COMMD1: variants seen among roughly 807,000 people sequenced by gnomAD.
COMMD1 encodes COMM domain-containing protein 1.
Under a neutral mutation model 17.2 loss-of-function variants are expected in COMMD1, and 10 were observed. The ratio of observed to expected loss-of-function variants is 0.58; its 90% CI spans 0.36 to 0.99. The LOEUF is 0.99. COMMD1 is among the 50% of genes least tolerant of loss of function. The pLI is 0.01. For missense variants in COMMD1, 270 were observed against 231.8 expected (o/e 1.17, Z -1.07); for synonymous variants, 97 against 91.6 (o/e 1.06, Z -0.34).
At chr2:61,966,584 G>C (rs1671511067) in intron 1 of COMMD1, among the ~76,000 whole-genome samples, 1 of 151,782 alleles carries the variant, frequency 6.6e-6, no homozygotes. Context: ...ATGTATAAAG[G>C]CTCTAGTAAT....
intron 1 of COMMD1, among the ~76,000 whole-genome samples, chr2:61,895,012 A>G (rs1669524269): frequency 6.6e-6 from 1 of 152,324 alleles, no homozygotes; most frequent in Non-Finnish European, 1.5e-5. Flanking sequence ...TATTTTTAAA[A>G]TAGTACCATG....
intron 1 of COMMD1, among the ~76,000 whole-genome samples, chr2:61,917,094 C>T (rs1670070361): frequency 6.6e-6 from 1 of 152,050 alleles, no homozygotes; most frequent in Non-Finnish European, 1.5e-5. Flanking sequence ...AGGCTCATGC[C>T]TGTAATCCCA....
upstream of COMMD1, among the ~76,000 whole-genome samples, chr2:61,902,762 T>G (rs1007131113): frequency 2.0e-5 from 3 of 151,934 alleles, no homozygotes; most frequent in Admixed American, 6.5e-5. Context: ...GGAGGATAAC[T>G]TGGGCCTGGG....
At chr2:62,031,136 T>C (rs1669898298) in intron 2 of COMMD1, among the ~76,000 whole-genome samples, 1 of 152,210 alleles carries the variant, frequency 6.6e-6, no homozygotes, top group South Asian at 2.1e-4. Context: ...GCCTCACTAC[T>C]CTTTTATCTG....
At chr2:62,002,782 G>A (rs1432446537) in intron 2 of COMMD1, among the ~76,000 whole-genome samples, 2 of 151,912 alleles carry the variant, frequency 1.3e-5, no homozygotes, top group African/African-American at 4.8e-5. Context: ...CTTCATCCTG[G>A]GAGGTGGAGG....
chr2:62,134,028 C>T (rs1035250757), intron 2 of COMMD1, among the ~76,000 whole-genome samples: 1 of 152,064 alleles, frequency 6.6e-6, no homozygotes, highest in Non-Finnish European at 1.5e-5. Flanking sequence ...TATTGAACTC[C>T]TGGCTTCAAG....
chr2:62,128,199 G>C (rs890046797), intron 2 of COMMD1, among the ~76,000 whole-genome samples: 3 of 149,056 alleles, frequency 2.0e-5, no homozygotes, highest in African/African-American at 7.4e-5. Context: ...ATGTTGGCAT[G>C]CGCCTGTAGT....
rs866742717 is a variant in COMMD1 at position 62,095,807 on chromosome 2, C to T, written c.463-40024C>T. Reference sequence around the variant, plus strand: ...TTGTGTAGTCAAGTTTCACAGCATGCATATATATATATATGCATATCAGGG... The same window carrying T: ...TTGTGTAGTCAAGTTTCACAGCATGTATATATATATATATGCATATCAGGG... On this transcript the variant is annotated intron_variant, in intron 2 of 2. Coordinates refer to ENST00000311832, the MANE Select transcript of COMMD1 (RefSeq NM_152516.4). Among the ~76,000 whole-genome samples the T allele has an allele frequency of 6.3e-4, 43 of 67,940 alleles. 2 individuals are homozygous for T. Among genetic ancestry groups the T allele is most frequent in the African/African-American group, 1.2e-3 (14 of 11,482 alleles). 44.6% of individuals were successfully genotyped at this position (67,940 alleles called of 152,430 possible).
chr2:61,906,757 C>T (rs1426725356), intron 1 of COMMD1, among the ~76,000 whole-genome samples: 1 of 148,072 alleles, frequency 6.8e-6, no homozygotes, highest in Non-Finnish European at 1.5e-5. Context: ...AAAAAAAAAC[C>T]TTATATAGTG....
intron 2 of COMMD1, chr2:62,118,149 T>G (rs2104065711): frequency 6.6e-6 from 1 of 152,338 alleles, no homozygotes; most frequent in African/African-American, 2.4e-5. Flanking sequence ...GATAAAATCT[T>G]TCTGCCAAAT....
Position 62,002,181 on chromosome 2 carries a change from T to A in COMMD1, c.462+1199T>A, listed in dbSNP as rs754619833. Among the ~76,000 whole-genome samples, 31 of 140,144 alleles carry A rather than the reference T, an allele frequency of 2.2e-4. 3 individuals are homozygous for A. Among genetic ancestry groups the A allele is most frequent in the South Asian group, 4.5e-4 (2 of 4,428 alleles). 91.9% of individuals were successfully genotyped at this position (140,144 alleles called of 152,430 possible). On this transcript the variant is annotated intron_variant, in intron 2 of 2. Transcript: ENST00000311832. ...GCGAAACTCTGTCTCAAGAAAAAAA[T>A]TTTTTTTAAATAATAAAAGATAATT...
chr2:62,039,523 C>T (rs1670126488), intron 2 of COMMD1, among the ~76,000 whole-genome samples: 1 of 152,192 alleles, frequency 6.6e-6, no homozygotes, highest in African/African-American at 2.4e-5. Flanking sequence ...CAGCATATGC[C>T]TCTTAAATAT....
At chr2:62,004,083 G>A (rs1328885256) in intron 2 of COMMD1, among the ~76,000 whole-genome samples, 4 of 151,986 alleles carry the variant, frequency 2.6e-5, no homozygotes, top group Non-Finnish European at 4.4e-5. Context: ...AGCCAAGATC[G>A]GATCACTTCA....
At chr2:62,063,855 A>C (rs1255331316) in intron 2 of COMMD1, among the ~76,000 whole-genome samples, 1 of 126,674 alleles carries the variant, frequency 7.9e-6, no homozygotes, top group Non-Finnish European at 1.6e-5. Context: ...ACATAGTGAC[A>C]CTGTCTCTAC....
intron 2 of COMMD1, among the ~76,000 whole-genome samples, chr2:62,103,039 C>T (rs977911095): frequency 6.7e-6 from 1 of 149,412 alleles, no homozygotes; most frequent in Admixed American, 6.7e-5. Context: ...AGTGCAGTGG[C>T]GCGATCTCCG....
chr2:61,901,775 A>G (rs1480594780), upstream of COMMD1, among the ~76,000 whole-genome samples: 4 of 152,246 alleles, frequency 2.6e-5, no homozygotes, highest in East Asian at 5.8e-4. Context: ...GATGTACACT[A>G]TAACTATGTT....
At chr2:61,946,985 A>C (rs1307009833) in intron 1 of COMMD1, among the ~76,000 whole-genome samples, 1 of 152,152 alleles carries the variant, frequency 6.6e-6, no homozygotes, top group African/African-American at 2.4e-5. Flanking sequence ...ATTAATCTTT[A>C]TTTTACAGGG....
In COMMD1 at chr2:61,941,715, A is replaced by G. The variant is rs1396993624; in HGVS notation, c.180+35857A>G. Among the ~76,000 whole-genome samples the G allele has an allele frequency of 2.0e-5, 3 of 152,214 alleles. No homozygotes were observed. The East Asian group carries it at 5.8e-4, about 29-fold the overall frequency. On this transcript the variant is annotated intron_variant, in intron 1 of 2. Transcript: ENST00000311832. Reference sequence around the variant, plus strand: ...ATACATTCATCAGTGATTGTTTAATAGTGAGCTTTGGGTCCTGCATTAACC... The same window carrying G: ...ATACATTCATCAGTGATTGTTTAATGGTGAGCTTTGGGTCCTGCATTAACC...
At chr2:62,041,948 A>G (rs925427799) in intron 2 of COMMD1, among the ~76,000 whole-genome samples, 6 of 152,220 alleles carry the variant, frequency 3.9e-5, no homozygotes, top group Non-Finnish European at 7.3e-5. Context: ...AAGCTTCCAC[A>G]CTGTGGAAGA....
Sources: gnomAD v4.1 joint callset for allele counts (sites outside exome capture counted in the v4.1 genomes callset) on GRCh38, gnomAD v4.1.1 for gene constraint, MANE v1.5 for transcripts, NCBI Gene and HGNC (gene_info 2026-07-23, HGNC 2026-07-21) for gene names.